Variants in DLGAP2 observed in about 807,000 individuals in gnomAD.
DLGAP2 encodes disks large-associated protein 2.
In DLGAP2, 26 loss-of-function variants were observed where a neutral mutation model predicts 100.3. The observed-to-expected ratio is 0.26, with a 90% confidence interval of 0.19 to 0.36. DLGAP2 has a LOEUF of 0.36. DLGAP2 is among the 10% of genes least tolerant of loss of function. The probability of loss-of-function intolerance (pLI) is 1.00; values close to 1 mark genes in which losing one functional copy is unlikely to be tolerated. For missense variants in DLGAP2, 1,858 were observed against 1,453.2 expected (o/e 1.28, Z -4.53); for synonymous variants, 886 against 630.1 (o/e 1.41, Z -6.08).
intron 3 of DLGAP2, among the ~76,000 whole-genome samples, chr8:1,361,197 T>A (rs543428070): frequency 6.6e-6 from 1 of 152,214 alleles, no homozygotes; most frequent in South Asian, 2.1e-4. Context: ...AACCACCAAC[T>A]GCAAATGTGT....
intron 2 of DLGAP2, among the ~76,000 whole-genome samples, chr8:1,102,082 A>G (rs958213066): frequency 6.6e-6 from 1 of 151,792 alleles, no homozygotes; most frequent in Non-Finnish European, 1.5e-5. Context: ...AAAGAGAAGA[A>G]CTCATATTAT....
At chr8:1,280,879 C>T (rs1381715431) in intron 3 of DLGAP2, among the ~76,000 whole-genome samples, 1 of 152,200 alleles carries the variant, frequency 6.6e-6, no homozygotes, top group Non-Finnish European at 1.5e-5. Flanking sequence ...TCCCTGAAAT[C>T]ACATTCACCT....
chr8:1,579,761 A>G (rs1362201053), intron 6 of DLGAP2, among the ~76,000 whole-genome samples: 1 of 152,218 alleles, frequency 6.6e-6, no homozygotes, highest in Admixed American at 6.5e-5. Context: ...TAAAAAATAC[A>G]GCCACGTTCA....
chr8:1,550,544 G>A (rs184066918), intron 5 of DLGAP2, among the ~76,000 whole-genome samples: 1 of 152,224 alleles, frequency 6.6e-6, no homozygotes, highest in Non-Finnish European at 1.5e-5. Flanking sequence ...GTGGGCCTGC[G>A]ACATTCGTGA....
chr8:1,479,508 G>T (rs1368135631), intron 3 of DLGAP2, among the ~76,000 whole-genome samples: 10 of 152,182 alleles, frequency 6.6e-5, no homozygotes, highest in Admixed American at 5.2e-4. Flanking sequence ...ATCCTGAAAG[G>T]GGGTGGGGAA....
At chr8:1,261,462 C>A (rs554463229) in intron 3 of DLGAP2, among the ~76,000 whole-genome samples, 1 of 150,270 alleles carries the variant, frequency 6.7e-6, no homozygotes, top group Non-Finnish European at 1.5e-5. Context: ...GCTTCCAGAT[C>A]TTTAAAACGA....
Position 1,059,060 on chromosome 8 carries a change from C to G in DLGAP2, c.73+151094C>G, listed in dbSNP as rs148165594. On this transcript the variant is annotated intron_variant, in intron 2 of 14. Coordinates refer to ENST00000637795, the MANE Select transcript of DLGAP2 (RefSeq NM_001346810.2). ...AAACGGAAGTCTCCAGGGCTCCCCC[C>G]ATGTGTCCATGTGTCCATGGGTAAA... 5.5e-3 allele frequency among the ~76,000 whole-genome samples: 831 copies of G among 152,142 alleles called. 11 individuals are homozygous for G. The highest frequency in any genetic ancestry group is 0.019 in the African/African-American group (786 of 41,572).
In DLGAP2 at chr8:1,216,694, A is replaced by C. The variant is rs189178386; in HGVS notation, c.74-42157A>C. Among the ~76,000 whole-genome samples the C allele has an allele frequency of 2.5e-3, 382 of 152,094 alleles. 1 individual carries two copies. The highest frequency in any genetic ancestry group is 8.3e-3 in the South Asian group (40 of 4,818). ...TCTAGTTTTTGCCTTAAACTGCACT[A>C]TACGATCTCATATTACCTAGCCCTC... is the stretch of plus-strand genomic sequence containing the variant. On this transcript the variant is annotated intron_variant, in intron 2 of 14. Coordinates refer to ENST00000637795, the MANE Select transcript of DLGAP2 (RefSeq NM_001346810.2).
At chr8:1,133,283 A>G (rs550627503) in intron 2 of DLGAP2, among the ~76,000 whole-genome samples, 1 of 152,304 alleles carries the variant, frequency 6.6e-6, no homozygotes, top group South Asian at 2.1e-4. Flanking sequence ...AGGCTCCTGA[A>G]AGTGGGGGGT....
chr8:1,665,536 A>ATATAAC (rs113055335), intron 8 of DLGAP2, among the ~76,000 whole-genome samples: 25,696 of 152,056 alleles, frequency 0.17, 3,736 homozygotes, highest in African/African-American at 0.4. Flanking sequence ...CCAAAGAAAA[A>ATATAAC]TATAATAAGG....
At chr8:1,091,466 A>T (rs1804179626) in intron 2 of DLGAP2, among the ~76,000 whole-genome samples, 1 of 152,204 alleles carries the variant, frequency 6.6e-6, no homozygotes, top group Non-Finnish European at 1.5e-5. Context: ...TACAAAGAGA[A>T]ATGGAACATC....
intron 2 of DLGAP2, among the ~76,000 whole-genome samples, chr8:1,235,135 CCTCACACGTGGCGTCGTGTCTAGTTCT>C (rs1798619238): frequency 7.0e-5 from 2 of 28,774 alleles, no homozygotes; most frequent in African/African-American, 9.6e-5. Flanking sequence ...TGTCTGCTTC[CCTCACACGTGGCGTCGTGTCTAGTTCT>C]CTCACACATG....
At chr8:889,184 T>A (rs1200813809) in intron 1 of DLGAP2, among the ~76,000 whole-genome samples, 1 of 152,076 alleles carries the variant, frequency 6.6e-6, no homozygotes, top group African/African-American at 2.4e-5. Flanking sequence ...TTTCACTTCT[T>A]TTGTGGTGAA....
At chr8:1,459,650 G>A (rs1409246577) in intron 3 of DLGAP2, among the ~76,000 whole-genome samples, 1 of 151,252 alleles carries the variant, frequency 6.6e-6, no homozygotes, top group African/African-American at 2.4e-5. Flanking sequence ...GGATCATCCA[G>A]CACCCTCTCT....
chr8:1,487,822 C>G (rs764423989), intron 3 of DLGAP2, among the ~76,000 whole-genome samples: 1 of 152,166 alleles, frequency 6.6e-6, no homozygotes, highest in African/African-American at 2.4e-5. Context: ...TGAAGCTTCA[C>G]GTCCTCACTA....
intron 3 of DLGAP2, among the ~76,000 whole-genome samples, chr8:1,275,853 A>G (rs1251702840): frequency 8.1e-6 from 1 of 122,832 alleles, no homozygotes; most frequent in Non-Finnish European, 1.6e-5. Context: ...ATAAATATAT[A>G]TAATATATAA....
At chr8:1,634,138 T>TC (rs1797714837) in intron 8 of DLGAP2, among the ~76,000 whole-genome samples, 1 of 152,254 alleles carries the variant, frequency 6.6e-6, no homozygotes, top group Non-Finnish European at 1.5e-5. Context: ...ATGTCCTCGC[T>TC]GCAAGAACTT....
intron 6 of DLGAP2, among the ~76,000 whole-genome samples, chr8:1,582,328 AG>A (rs138464177): frequency 1.4e-5 from 2 of 144,066 alleles, no homozygotes; most frequent in African/African-American, 2.6e-5. Context: ...AAAAAAAAAA[AG>A]AAAGAAAGAA....
intron 2 of DLGAP2, among the ~76,000 whole-genome samples, chr8:957,205 C>T (rs1042669074): frequency 1.3e-5 from 2 of 152,198 alleles, no homozygotes; most frequent in African/African-American, 4.8e-5. Flanking sequence ...ACGGCAAGAG[C>T]TGGGGGCCTT....
Sources: gnomAD v4.1 joint callset for allele counts (sites outside exome capture counted in the v4.1 genomes callset) on GRCh38, gnomAD v4.1.1 for gene constraint, MANE v1.5 for transcripts, NCBI Gene and HGNC (gene_info 2026-07-23, HGNC 2026-07-21) for gene names.